Variants in MON1A observed in about 807,000 individuals in gnomAD.
The protein encoded by MON1A is vacuolar fusion protein MON1 homolog A.
MON1A carries 29 observed loss-of-function variants against 44.6 expected under a neutral mutation model. The ratio of observed to expected loss-of-function variants is 0.65; its 90% CI spans 0.48 to 0.89. MON1A has a LOEUF of 0.89. Among genes scored for constraint, MON1A ranks in the 40% least tolerant of loss-of-function variants. MON1A has a pLI of 0.00. For synonymous variants in MON1A, 275 were observed against 316.4 expected, an observed-to-expected ratio of 0.87 and a Z score of 1.39; for missense variants, 615 against 759.6, an observed-to-expected ratio of 0.81 and a Z score of 2.24.
intron 1 of MON1A, chr3:49,916,299 C>G (rs547322822): frequency 6.6e-6 from 1 of 152,370 alleles, no homozygotes; most frequent in East Asian, 1.9e-4. Flanking sequence ...ATCAGCCAGT[C>G]TGTGTCCAAG....
At chr3:49,925,306 G>T (rs1004550521) in intron 1 of MON1A, among the ~76,000 whole-genome samples, 13 of 151,866 alleles carry the variant, frequency 8.6e-5, no homozygotes, top group African/African-American at 2.7e-4. Flanking sequence ...GTAGAGACAG[G>T]GTCTCCTTAT....
Position 49,910,697 on chromosome 3 carries a change from T to G in MON1A, c.801A>C (p.Leu267=). The G allele has an allele frequency of 6.2e-7, 1 of 1,612,656 alleles. No homozygotes were observed. Among genetic ancestry groups the G allele is most frequent in the Non-Finnish European group, 8.5e-7 (1 of 1,179,372 alleles). The change falls in exon 4 of 6, where the codon CTA becomes CTC. Residue 267 remains leucine, a synonymous_variant. Transcript: ENST00000296473. The surrounding 1 kb of genome is among the most constrained non-coding windows in gnomAD (Gnocchi z 8.0). The part of the protein sequence containing the change: ...QQKQNYDLRR[L]LSGSERITDN... ...CGGTGATGCGCTCTGAGCCCGAGAG[T>G]AGGCGCCGCAAATCATAGTTCTGCT...
intron 1 of MON1A, among the ~76,000 whole-genome samples, chr3:49,926,466 AT>A (rs1247588815): frequency 4.0e-5 from 6 of 151,612 alleles, no homozygotes; most frequent in African/African-American, 7.3e-5. Flanking sequence ...GAGGAGTTCT[AT>A]TTTTTTTGAG....
Position 49,929,798 on chromosome 3 carries a change from C to G in MON1A, c.-203G>C, listed in dbSNP as rs1315353986. On this transcript the variant is annotated 5_prime_UTR_variant, in exon 1 of 6. Transcript: ENST00000296473. ...CCTCCCACCGCCCTCACCCGGCCGC[C>G]GGTGCAGGAAGATAGCTTTCGCCGG... 2.6e-5 allele frequency: 41 copies of G among 1,547,712 alleles called. No individual in the cohort carries two copies. Among genetic ancestry groups the G allele is most frequent in the Non-Finnish European group, 3.6e-5 (41 of 1,146,692 alleles).
At position 49,910,009 on chromosome 3, in the gene MON1A, C is replaced by A; in HGVS notation, c.1379+110G>T. 1 of 1,293,706 alleles carries A rather than the reference C, an allele frequency of 7.7e-7. No individual in the cohort carries two copies. The highest frequency in any genetic ancestry group is 1.1e-6 in the Non-Finnish European group (1 of 935,760). The allele number at this position is 1,293,706 out of a possible 1,614,324, so 80.1% of individuals were successfully genotyped here. On this transcript the variant is annotated intron_variant, in intron 4 of 5. Coordinates refer to ENST00000296473, the MANE Select transcript of MON1A (RefSeq NM_032355.4). The surrounding 1 kb of genome is among the most constrained non-coding windows in gnomAD (Gnocchi z 8.0). ...CAGGCCCAGCACACTGGTCTGCTTC[C>A]AAAGGTAGGGACAGCTTCAGGGCTA...
At chr3:49,918,434 C>T (rs771290248) in intron 1 of MON1A, among the ~76,000 whole-genome samples, 2 of 150,056 alleles carry the variant, frequency 1.3e-5, no homozygotes, top group African/African-American at 2.5e-5. Flanking sequence ...TTTTTTGAGA[C>T]AGAGTCTCAC....
In MON1A at chr3:49,926,438, G is replaced by A. The variant is rs189477406; in HGVS notation, c.-14+3171C>T. 5.9e-5 allele frequency among the ~76,000 whole-genome samples: 9 copies of A among 152,214 alleles called. No homozygotes were observed. In the East Asian group the frequency reaches 1.7e-3, roughly 29 times the overall value. On this transcript the variant is annotated intron_variant, in intron 1 of 5. Coordinates refer to ENST00000296473, the MANE Select transcript of MON1A (RefSeq NM_032355.4). ...GTGACCTACCACAAATTTCAGTATG[G>A]CTTTAAGCCACATGCGGGAGGAGTT...
intron 1 of MON1A, among the ~76,000 whole-genome samples, chr3:49,927,387 TC>T (rs1262064235): frequency 6.6e-6 from 1 of 152,224 alleles, no homozygotes; most frequent in African/African-American, 2.4e-5. Flanking sequence ...ACTCAGTTGC[TC>T]CCATTAGCAC....
chr3:49,924,777 A>C (rs538976463), intron 1 of MON1A: 1 of 155,580 alleles, frequency 6.4e-6, no homozygotes, highest in Non-Finnish European at 1.4e-5. Context: ...CCTCTAGGGA[A>C]AGCCATCAGC....
At chr3:49,926,106 A>G (rs1192022856) in intron 1 of MON1A, among the ~76,000 whole-genome samples, 1 of 152,166 alleles carries the variant, frequency 6.6e-6, no homozygotes, top group Non-Finnish European at 1.5e-5. Context: ...CCCACTCAAC[A>G]TAACTCCTTC....
intron 1 of MON1A, chr3:49,915,978 C>T (rs1443879045): frequency 6.6e-6 from 1 of 152,190 alleles, no homozygotes; most frequent in Non-Finnish European, 1.5e-5. Context: ...GGGATCCATT[C>T]CAGGTACCAA....
chr3:49,913,787 C>T (rs1411741532), intron 1 of MON1A, among the ~76,000 whole-genome samples: 1 of 151,228 alleles, frequency 6.6e-6, no homozygotes, highest in African/African-American at 2.4e-5. Flanking sequence ...CTCAGCCTCC[C>T]AAGTAGCTGG....
rs540756780 is a variant in MON1A at position 49,913,754 on chromosome 3, C to T, written c.-13-395G>A. ...TTCGGCTCACTGCAGCCTCCCCCTC[C>T]GGGGTTCAAGCAATACTCGTGCCTC... is the stretch of plus-strand genomic sequence containing the variant. On this transcript the variant is annotated intron_variant, in intron 1 of 5. Coordinates refer to ENST00000296473, the MANE Select transcript of MON1A (RefSeq NM_032355.4). 4.0e-5 allele frequency among the ~76,000 whole-genome samples: 6 copies of T among 150,434 alleles called. No homozygotes were observed. In the East Asian group the frequency reaches 5.8e-4, roughly 15 times the overall value.
chr3:49,924,870 A>C (rs948877122), intron 1 of MON1A, among the ~76,000 whole-genome samples: 8 of 152,192 alleles, frequency 5.3e-5, no homozygotes, highest in Non-Finnish European at 8.8e-5. Context: ...GCCAGTACCA[A>C]CTTGCTAGTC....
chr3:49,909,777 G>A lies in MON1A; in HGVS notation c.1379+342C>T. On this transcript the variant is annotated intron_variant, in intron 4 of 5. Coordinates refer to ENST00000296473, the MANE Select transcript of MON1A (RefSeq NM_032355.4). The surrounding 1 kb of genome is among the most constrained non-coding windows in gnomAD (Gnocchi z 4.0). ...ATATCTTCCCAGCCCCTCTGCTGGG[G>A]GAGGGGGTGGAGGAGGGCTGTGCTT... The A allele has an allele frequency of 2.9e-6, 1 of 340,550 alleles. No individual in the cohort carries two copies. The highest frequency in any genetic ancestry group is 5.4e-6 in the Non-Finnish European group (1 of 186,702). The allele number at this position is 340,550 out of a possible 1,614,324, so 21.1% of individuals were successfully genotyped here.
In MON1A at chr3:49,908,921, T is replaced by G. The variant is rs1043567495; in HGVS notation, c.*93A>C. On this transcript the variant is annotated 3_prime_UTR_variant, in exon 6 of 6. Coordinates refer to ENST00000296473, the MANE Select transcript of MON1A (RefSeq NM_032355.4). Reference sequence around the variant, plus strand: ...TCACCAACCCACAGTCCCTGCCCGCTGGCTGGGCAAGAGAGGCCAGCCCCC... The same window carrying G: ...TCACCAACCCACAGTCCCTGCCCGCGGGCTGGGCAAGAGAGGCCAGCCCCC... The G allele has an allele frequency of 1.4e-6, 2 of 1,435,214 alleles. No individual in the cohort carries two copies. Among genetic ancestry groups the G allele is most frequent in the East Asian group, 2.3e-5 (1 of 43,184 alleles). 88.9% of individuals were successfully genotyped at this position (1,435,214 alleles called of 1,614,324 possible). A position where few individuals can be genotyped will look rare whatever the true frequency, so the allele number is the denominator to read the frequency against.
At position 49,911,718 on chromosome 3, in the gene MON1A, C is replaced by G. The variant is rs142076190; in HGVS notation, c.421G>C (p.Glu141Gln). 6.2e-7 allele frequency: 1 copy of G among 1,613,956 alleles called. No homozygotes were observed. Among genetic ancestry groups the G allele is most frequent in the Non-Finnish European group, 8.5e-7 (1 of 1,179,948 alleles). ...TCCGTGGCATCCTCCTCATCCCCCT[C>G]GGTTGTGCCCTCCCTGGGGGGCTCT... ...ATEPPREGTT[E>Q]GDEEDATEAW... is the part of the protein sequence containing the mutation. Residue 141 changes from glutamate to glutamine, a missense_variant, in exon 3 of 6, where the codon GAG (glutamate) becomes CAG (glutamine). Glu to Gln is a conservative substitution (Grantham distance 29, BLOSUM62 2). Coordinates refer to ENST00000296473, the MANE Select transcript of MON1A (RefSeq NM_032355.4). The surrounding 1 kb of genome is among the most constrained non-coding windows in gnomAD (Gnocchi z 5.7).
chr3:49,910,806 T>A lies in MON1A; in HGVS notation c.692A>T (p.Glu231Val). ...GATGTAGAGCAGCTCCTGCGCCAGC[T>A]CTTGTGCCGACTGCCGCGTACGAGC... ...AVARTRQSAQ[E>V]LAQELLYIYY... The change falls in exon 4 of 6, where the codon GAG (glutamate) becomes GTG (valine). Residue 231 changes from glutamate to valine, a missense_variant. Transcript: ENST00000296473. This position sits in a 1 kb window ranked among gnomAD's most constrained non-coding sequence, Gnocchi z 8.0. The A allele has an allele frequency of 6.2e-7, 1 of 1,613,580 alleles. No individual in the cohort carries two copies. Among genetic ancestry groups the A allele is most frequent in the Non-Finnish European group, 8.5e-7 (1 of 1,179,966 alleles).
At position 49,911,704 on chromosome 3, in the gene MON1A, C is replaced by T. The variant is rs758439371; in HGVS notation, c.435G>A (p.Glu145=). The T allele has an allele frequency of 1.2e-6, 2 of 1,614,084 alleles. No homozygotes were observed. Among genetic ancestry groups the T allele is most frequent in the Non-Finnish European group, 1.7e-6 (2 of 1,179,994 alleles). The change falls in exon 3 of 6, where the codon GAG becomes GAA. Residue 145 remains glutamate (E), a synonymous_variant. Coordinates refer to ENST00000296473, the MANE Select transcript of MON1A (RefSeq NM_032355.4). This position sits in a 1 kb window ranked among gnomAD's most constrained non-coding sequence, Gnocchi z 5.7. ...PREGTTEGDE[E]DATEAWRLHQ... ...GCAGGCGCCATGCCTCCGTGGCATC[C>T]TCCTCATCCCCCTCGGTTGTGCCCT...
Sources: allele counts gnomAD v4.1 joint callset (sites outside exome capture counted in the v4.1 genomes callset), GRCh38; gene constraint gnomAD v4.1.1; non-coding constraint Gnocchi (gnomAD v3.1); transcripts MANE v1.5; gene names NCBI Gene and HGNC (gene_info 2026-07-23, HGNC 2026-07-21).